ETNK1: variants seen among roughly 807,000 people sequenced by gnomAD.
ETNK1 encodes the protein ethanolamine kinase 1.
A neutral mutation model predicts 45.1 loss-of-function variants in ETNK1; 8 were observed. The ratio of observed to expected loss-of-function variants is 0.18; its 90% confidence interval spans 0.10 to 0.32. The LOEUF (loss-of-function observed/expected upper bound fraction) is 0.32, where lower values mean the gene tolerates loss of function less well. Among genes scored for constraint, ETNK1 ranks in the 10% least tolerant of loss-of-function variants. The pLI is 1.00. For missense variants in ETNK1, 302 were observed against 430.6 expected, an observed-to-expected ratio of 0.70 and a Z score of 2.64; for synonymous variants, 152 against 151.9, an observed-to-expected ratio of 1.00 and a Z score of -0.01.
At chr12:22,651,820 G>C (rs972440860) in intron 2 of ETNK1, among the ~76,000 whole-genome samples, 2 of 151,492 alleles carry the variant, frequency 1.3e-5, no homozygotes, top group Non-Finnish European at 2.9e-5. Flanking sequence ...CGAGTAGCTG[G>C]GACTATAGGT....
Position 22,685,028 on chromosome 12 carries a change from AT to A in ETNK1, c.*75del. The A allele has an allele frequency of 1.9e-6, 2 of 1,056,292 alleles. No individual in the cohort carries two copies. The highest frequency in any genetic ancestry group is 2.8e-6 in the Non-Finnish European group (2 of 719,138). 65.4% of individuals were successfully genotyped at this position (1,056,292 alleles called of 1,614,324 possible). A position where few individuals can be genotyped will look rare whatever the true frequency, so the allele number is the denominator to read the frequency against. On this transcript the variant is annotated 3_prime_UTR_variant, in exon 8 of 8. Coordinates refer to ENST00000266517, the MANE Select transcript of ETNK1 (RefSeq NM_018638.5). ...TTTCTTAAGAAATCCCAAAAAGCCA[AT>A]ATTAGTTAAAATTCTGTTGTTTAAT...
chr12:22,672,390 TTA>T (rs1414706096), intron 5 of ETNK1, among the ~76,000 whole-genome samples: 1 of 152,040 alleles, frequency 6.6e-6, no homozygotes, highest in African/African-American at 2.4e-5. Context: ...TTATATATTT[TTA>T]TATACTTCAG....
rs957591300 is a variant in ETNK1 at position 22,656,701 on chromosome 12, C to T, written c.417-2313C>T. On this transcript the variant is annotated intron_variant, in intron 2 of 7. Coordinates refer to ENST00000266517, the MANE Select transcript of ETNK1 (RefSeq NM_018638.5). ...GTCCCCTTTGCAAAGGGGAAAATTA[C>T]GTTTTGTAAGAGACCCCAAATCAGG... The T allele has an allele frequency of 3.6e-5, 35 of 985,026 alleles. No individual in the cohort carries two copies. In the African/African-American group the frequency reaches 4.2e-4, roughly 12 times the overall value. 61.0% of individuals were successfully genotyped at this position (985,026 alleles called of 1,614,324 possible). A position where few individuals can be genotyped will look rare whatever the true frequency, so the allele number is the denominator to read the frequency against.
chr12:22,661,140 G>A lies in ETNK1; in HGVS notation c.635G>A (p.Gly212Asp), dbSNP rs1953995084. 4 of 1,612,372 alleles carry A rather than the reference G, an allele frequency of 2.5e-6. No homozygotes were observed. Among genetic ancestry groups the A allele is most frequent in the African/African-American group, 1.3e-5 (1 of 74,824 alleles). Residue 212 changes from glycine to aspartate, a missense_variant, in exon 4 of 8, where the codon GGC (glycine) becomes GAC (aspartate). Around this residue, in one of 3 missense-constraint regions of ETNK1, gnomAD observed 205 missense variants for 259.9 expected, o/e 0.79. Transcript: ENST00000266517. The stretch of plus-strand genomic sequence containing the variant: ...ATGAAGGAGATTCTTTCCAACCTGG[G>A]CTCACCTGTTGTGCTTTGCCATAAT... ...TWMKEILSNL[G>D]SPVVLCHNDL...
intron 4 of ETNK1, among the ~76,000 whole-genome samples, chr12:22,664,104 G>A (rs891184271): frequency 6.6e-6 from 1 of 151,882 alleles, no homozygotes; most frequent in African/African-American, 2.4e-5. Flanking sequence ...TGACATGTTT[G>A]AGTGTTTACT....
At position 22,625,244 on chromosome 12, in the gene ETNK1, C is replaced by T. The variant is rs1320053606; in HGVS notation, c.-187C>T. ...GGGCCGGGCTCAGTTCAGCTGCTGT[C>T]CAGACCCGGATCGGCAACAGTGCCG... On this transcript the variant is annotated 5_prime_UTR_variant, in exon 1 of 8. Coordinates refer to ENST00000266517, the MANE Select transcript of ETNK1 (RefSeq NM_018638.5). The T allele has an allele frequency of 5.0e-6, 8 of 1,612,056 alleles. No individual in the cohort carries two copies. The highest frequency in any genetic ancestry group is 6.8e-6 in the Non-Finnish European group (8 of 1,179,600).
chr12:22,673,531 A>G lies in ETNK1; in HGVS notation c.816A>G (p.Pro272=), dbSNP rs756865821. 1.4e-5 allele frequency: 22 copies of G among 1,613,746 alleles called. No individual in the cohort carries two copies. Among genetic ancestry groups the G allele is most frequent in the Non-Finnish European group, 1.7e-5 (20 of 1,179,778 alleles). ...GVSDVDYSLY[P]DRELQSQWLR... ...GTGATGTAGACTATAGTCTGTATCC[A>G]GATAGAGAACTACAGAGTCAGTGGC... The change falls in exon 6 of 8, where the codon CCA becomes CCG. Residue 272 remains proline (P), a synonymous_variant. Transcript: ENST00000266517.
chr12:22,656,598 T>C (rs1217832659), intron 2 of ETNK1: 1 of 985,258 alleles, frequency 1.0e-6, no homozygotes, highest in African/African-American at 1.7e-5. Context: ...CCCAGACATT[T>C]GCCTCTCTTC....
rs1244719589 is a variant in ETNK1, at chr12:22,671,285, C to G, written c.714C>G (p.Phe238Leu). ...IYNEKQGDVQFIDYEYSGYNY... is the reference protein window; with the variant it reads ...IYNEKQGDVQLIDYEYSGYNY... ...TGTCTCACATAGGTGATGTACAGTTCATTGATTATGAATATTCTGGATACA... is the reference window on the plus strand; with the variant it reads ...TGTCTCACATAGGTGATGTACAGTTGATTGATTATGAATATTCTGGATACA... The change falls in exon 5 of 8, where the codon TTC becomes TTG. Residue 238 changes from phenylalanine to leucine, a missense_variant. Coordinates refer to ENST00000266517, the MANE Select transcript of ETNK1 (RefSeq NM_018638.5). 6.2e-7 allele frequency: 1 copy of G among 1,606,264 alleles called. No individual in the cohort carries two copies. Among genetic ancestry groups the G allele is most frequent in the African/African-American group, 1.3e-5 (1 of 74,748 alleles).
At chr12:22,662,686 C>A (rs985842617) in intron 4 of ETNK1, among the ~76,000 whole-genome samples, 5 of 152,220 alleles carry the variant, frequency 3.3e-5, no homozygotes, top group African/African-American at 9.7e-5. Context: ...GCGTGAGCCA[C>A]TGTGCCTGGC....
chr12:22,633,563 C>T (rs1953611803), intron 1 of ETNK1, among the ~76,000 whole-genome samples: 1 of 152,260 alleles, frequency 6.6e-6, no homozygotes, highest in Non-Finnish European at 1.5e-5. Context: ...GTTGTAGACT[C>T]AATTTTGGGA....
chr12:22,681,942 C>A (rs751514615), intron 6 of ETNK1, among the ~76,000 whole-genome samples: 23 of 152,084 alleles, frequency 1.5e-4, no homozygotes, highest in Non-Finnish European at 2.2e-4. Flanking sequence ...CAAAGCTCAA[C>A]AAGTGATAGT....
intron 6 of ETNK1, among the ~76,000 whole-genome samples, chr12:22,678,923 C>G (rs536609316): frequency 6.6e-6 from 1 of 152,198 alleles, no homozygotes; most frequent in African/African-American, 2.4e-5. Flanking sequence ...ATTTTGAAGT[C>G]CACTAGTTAA....
intron 2 of ETNK1, among the ~76,000 whole-genome samples, chr12:22,658,013 G>GA (rs1953961484): frequency 6.6e-6 from 1 of 152,118 alleles, no homozygotes; most frequent in African/African-American, 2.4e-5. Flanking sequence ...AATCACTTGG[G>GA]AAGGTTTTAA....
chr12:22,641,136 G>A (rs1326306077), intron 1 of ETNK1, among the ~76,000 whole-genome samples: 2 of 152,180 alleles, frequency 1.3e-5, no homozygotes, highest in Non-Finnish European at 2.9e-5. Flanking sequence ...CTCACCTGTA[G>A]CTGAAGAAGT....
chr12:22,661,736 T>C (rs1034267962), intron 4 of ETNK1, among the ~76,000 whole-genome samples: 24 of 152,208 alleles, frequency 1.6e-4, no homozygotes, highest in African/African-American at 5.8e-4. Context: ...TTATTTGTAG[T>C]TGCTCAAATT....
intron 1 of ETNK1, among the ~76,000 whole-genome samples, chr12:22,628,830 C>T (rs1953537807): frequency 6.6e-6 from 1 of 152,098 alleles, no homozygotes; most frequent in Non-Finnish European, 1.5e-5. Context: ...TATTATTTAA[C>T]ATTACAAAAC....
intron 5 of ETNK1, 21 bp downstream of exon 5, chr12:22,671,376 T>A: frequency 1.4e-6 from 2 of 1,380,034 alleles, no homozygotes; most frequent in Non-Finnish European, 2.1e-6. Context: ...TGGAGTAACT[T>A]ATTTAGCTTT....
At chr12:22,671,160 C>A in intron 4 of ETNK1, 112 bp from the exon 5 acceptor site, 1 of 785,622 alleles carries the variant, frequency 1.3e-6, no homozygotes. Flanking sequence ...TGCATGTAAT[C>A]AAGCACGTAC....
Sources: allele counts gnomAD v4.1 joint callset (sites outside exome capture counted in the v4.1 genomes callset), GRCh38; gene constraint gnomAD v4.1.1; regional missense constraint gnomAD v4.1.1; transcripts MANE v1.5; gene names NCBI Gene and HGNC (gene_info 2026-07-23, HGNC 2026-07-21).